SPIDR: variants seen among roughly 807,000 people sequenced by gnomAD.
The protein encoded by SPIDR is DNA repair-scaffolding protein.
SPIDR carries 93 observed loss-of-function variants against 104.6 expected under a neutral mutation model. That is an observed-to-expected ratio of 0.89 (90% CI 0.75 to 1.06). The LOEUF (loss-of-function observed/expected upper bound fraction) is 1.06, where lower values mean the gene tolerates loss of function less well. SPIDR is among the 50% of genes least tolerant of loss of function. The pLI is 0.00. For missense variants in SPIDR, 1,154 were observed against 1,111.2 expected, an observed-to-expected ratio of 1.04 and a Z score of -0.55; for synonymous variants, 431 against 416.9, an observed-to-expected ratio of 1.03 and a Z score of -0.41.
intron 11 of SPIDR, among the ~76,000 whole-genome samples, chr8:47,681,255 C>G (rs1213530611): frequency 1.3e-5 from 2 of 152,098 alleles, no homozygotes; most frequent in African/African-American, 4.8e-5. Context: ...TATTTTAAGT[C>G]AAAATTTAAT....
At chr8:47,511,024 C>A in intron 8 of SPIDR, 1 of 782,582 alleles carries the variant, frequency 1.3e-6, no homozygotes, top group South Asian at 1.4e-5. Context: ...AGGCAGCTGC[C>A]TGGGCAGTTA....
chr8:47,710,427 C>T (rs532857885), intron 14 of SPIDR, among the ~76,000 whole-genome samples: 1 of 151,816 alleles, frequency 6.6e-6, no homozygotes, highest in African/African-American at 2.4e-5. Flanking sequence ...CTCCCACCCA[C>T]AGATAACCTT....
intron 12 of SPIDR, 64 bp from the exon 13 acceptor site, chr8:47,701,657 A>T: frequency 6.7e-7 from 1 of 1,500,906 alleles, no homozygotes; most frequent in Non-Finnish European, 9.1e-7. Context: ...GATTTTAATA[A>T]TATCTCCTCT....
chr8:47,504,145 G>T (rs1460517847), intron 8 of SPIDR, among the ~76,000 whole-genome samples: 4 of 152,086 alleles, frequency 2.6e-5, no homozygotes, highest in Admixed American at 2.6e-4. Context: ...GTGTCTTTGT[G>T]GCGTTCTCTG....
intron 8 of SPIDR, among the ~76,000 whole-genome samples, chr8:47,581,860 A>G (rs1442641691): frequency 6.6e-6 from 1 of 152,200 alleles, no homozygotes; most frequent in African/African-American, 2.4e-5. Flanking sequence ...GCCACTCTCC[A>G]CAGACGAAAA....
At chr8:47,353,006 A>G (rs1554623498) in intron 5 of SPIDR, among the ~76,000 whole-genome samples, 1 of 146,846 alleles carries the variant, frequency 6.8e-6, no homozygotes, top group Non-Finnish European at 1.5e-5. Flanking sequence ...GTGAGCCAAG[A>G]TCATGCCACT....
At position 47,669,509 on chromosome 8, in the gene SPIDR, A is replaced by T. The variant is rs74962319; in HGVS notation, c.1545-4292A>T. 5.6e-4 allele frequency among the ~76,000 whole-genome samples: 85 copies of T among 152,174 alleles called. No individual in the cohort carries two copies. In the East Asian group the frequency reaches 0.016, roughly 28 times the overall value. ...GAATACCAGGAGAAGAAGAGTGATA[A>T]CTCGTCTCTAGGGCAAAAGAATAGA... is the stretch of plus-strand genomic sequence containing the variant. On this transcript the variant is annotated intron_variant, in intron 10 of 19. Transcript: ENST00000297423.
chr8:47,653,301 C>T (rs936662925), intron 10 of SPIDR, among the ~76,000 whole-genome samples: 1 of 152,142 alleles, frequency 6.6e-6, no homozygotes, highest in Non-Finnish European at 1.5e-5. Flanking sequence ...TTACTCTATA[C>T]CCAGTTACAA....
chr8:47,625,523 A>G (rs549717841), intron 10 of SPIDR, among the ~76,000 whole-genome samples: 11 of 152,372 alleles, frequency 7.2e-5, no homozygotes, highest in African/African-American at 2.4e-4. Context: ...TAAGCTGATA[A>G]GCAACTTCAG....
intron 5 of SPIDR, among the ~76,000 whole-genome samples, chr8:47,356,359 C>A (rs572440448): frequency 1.3e-5 from 2 of 152,284 alleles, no homozygotes; most frequent in South Asian, 4.1e-4. Flanking sequence ...CATAATTTCT[C>A]ATTCAGTGAA....
intron 5 of SPIDR, among the ~76,000 whole-genome samples, chr8:47,351,739 T>TA (rs1184080460): frequency 6.6e-6 from 1 of 152,186 alleles, no homozygotes; most frequent in Non-Finnish European, 1.5e-5. Flanking sequence ...AATGAAGTGA[T>TA]ACGTAGGCAT....
At chr8:47,343,983 T>C (rs750162164) in intron 5 of SPIDR, among the ~76,000 whole-genome samples, 29 of 151,370 alleles carry the variant, frequency 1.9e-4, no homozygotes, top group Non-Finnish European at 3.7e-4. Context: ...TTTATTATTA[T>C]TATACGTCAA....
At chr8:47,304,362 C>A (rs1393024114) in intron 5 of SPIDR, among the ~76,000 whole-genome samples, 1 of 152,128 alleles carries the variant, frequency 6.6e-6, no homozygotes, top group African/African-American at 2.4e-5. Context: ...CTTATGTGAG[C>A]TGATAATTTA....
chr8:47,684,205 T>G (rs951465828), intron 11 of SPIDR, among the ~76,000 whole-genome samples: 6 of 152,032 alleles, frequency 3.9e-5, no homozygotes, highest in Admixed American at 6.6e-5. Flanking sequence ...AATTTTTTCT[T>G]GGCTATAAAA....
intron 14 of SPIDR, among the ~76,000 whole-genome samples, chr8:47,710,454 T>C (rs1004060160): frequency 1.3e-5 from 2 of 151,904 alleles, no homozygotes; most frequent in Non-Finnish European, 2.9e-5. Flanking sequence ...AGCTTTGCCC[T>C]TCCTGAAATA....
At chr8:47,690,043 A>G (rs2078410586) in intron 11 of SPIDR, among the ~76,000 whole-genome samples, 2 of 151,698 alleles carry the variant, frequency 1.3e-5, no homozygotes, top group Non-Finnish European at 2.9e-5. Flanking sequence ...GAGCACACTT[A>G]TAATATTTGG....
chr8:47,366,731 G>A (rs1187187833), intron 5 of SPIDR, among the ~76,000 whole-genome samples: 3 of 152,244 alleles, frequency 2.0e-5, no homozygotes, highest in African/African-American at 7.2e-5. Context: ...AAATAATCAA[G>A]TTTAAGTGCG....
chr8:47,360,894 G>C, intron 5 of SPIDR: 1 of 985,440 alleles, frequency 1.0e-6, no homozygotes, highest in Non-Finnish European at 1.2e-6. Flanking sequence ...CTTTGGTGCT[G>C]TTTGTGTTCA....
chr8:47,345,597 A>G (rs1411391706), intron 5 of SPIDR, among the ~76,000 whole-genome samples: 9 of 152,224 alleles, frequency 5.9e-5, no homozygotes, highest in Non-Finnish European at 1.3e-4. Context: ...ATCCATGAGC[A>G]TGGAATGTTC....
Sources: allele counts gnomAD v4.1 joint callset (sites outside exome capture counted in the v4.1 genomes callset), GRCh38; gene constraint gnomAD v4.1.1; transcripts MANE v1.5; gene names NCBI Gene and HGNC (gene_info 2026-07-23, HGNC 2026-07-21).